The following SERPINI1 variants were observed in gnomAD, a reference collection of about 807,000 sequenced individuals.
The protein encoded by SERPINI1 is neuroserpin.
Under a neutral mutation model 41.1 loss-of-function variants are expected in SERPINI1, and 19 were observed. The ratio of observed to expected loss-of-function variants is 0.46; its 90% CI spans 0.32 to 0.68. The LOEUF is 0.68. SERPINI1 is among the 30% of genes least tolerant of loss of function. The pLI is 0.03. For synonymous variants in SERPINI1, 138 were observed against 156.6 expected, an observed-to-expected ratio of 0.88 and a Z score of 0.89; for missense variants, 460 against 479.2, an observed-to-expected ratio of 0.96 and a Z score of 0.37.
chr3:167,768,332 A>G (rs1726631993), intron 1 of SERPINI1, among the ~76,000 whole-genome samples: 1 of 152,218 alleles, frequency 6.6e-6, no homozygotes, highest in Non-Finnish European at 1.5e-5. Context: ...TTTTAGACAT[A>G]ATGCTATTGC....
chr3:167,764,820 G>A (rs139343510), intron 1 of SERPINI1, among the ~76,000 whole-genome samples: 17 of 152,234 alleles, frequency 1.1e-4, no homozygotes, highest in Middle Eastern at 3.4e-3. Flanking sequence ...AAATACAGCC[G>A]TTGCAAATGG....
At chr3:167,820,657 G>A (rs1712287911) in intron 6 of SERPINI1, among the ~76,000 whole-genome samples, 1 of 152,222 alleles carries the variant, frequency 6.6e-6, no homozygotes, top group Non-Finnish European at 1.5e-5. Flanking sequence ...GCTAAAGGCA[G>A]CTCAGTGCAG....
intron 5 of SERPINI1, among the ~76,000 whole-genome samples, chr3:167,795,748 C>G (rs747158147): frequency 6.6e-6 from 1 of 152,016 alleles, no homozygotes; most frequent in African/African-American, 2.4e-5. Flanking sequence ...TAGGGTAGAG[C>G]CAGTTTTCCT....
chr3:167,757,010 G>A (rs1287856602), intron 1 of SERPINI1, among the ~76,000 whole-genome samples: 1 of 152,178 alleles, frequency 6.6e-6, no homozygotes, highest in African/African-American at 2.4e-5. Context: ...TAATAAAACA[G>A]CTACAAAGGA....
At chr3:167,742,818 T>TG (rs1725722572) in intron 1 of SERPINI1, among the ~76,000 whole-genome samples, 2 of 145,000 alleles carry the variant, frequency 1.4e-5, no homozygotes, top group South Asian at 4.5e-4. Context: ...TTGTGCCGTT[T>TG]TGTGTGTGTG....
intron 1 of SERPINI1, among the ~76,000 whole-genome samples, chr3:167,767,995 A>C (rs999101197): frequency 5.3e-5 from 8 of 152,238 alleles, no homozygotes; most frequent in African/African-American, 1.9e-4. Flanking sequence ...AACTCAGTTG[A>C]TAAAGCAATG....
chr3:167,740,874 G>A (rs897559948), intron 1 of SERPINI1, among the ~76,000 whole-genome samples: 23 of 152,116 alleles, frequency 1.5e-4, no homozygotes, highest in Non-Finnish European at 2.5e-4. Context: ...TCCCCTACAC[G>A]ATTTCCATTA....
At chr3:167,821,043 G>T (rs1444460608) in intron 6 of SERPINI1, among the ~76,000 whole-genome samples, 1 of 152,032 alleles carries the variant, frequency 6.6e-6, no homozygotes, top group African/African-American at 2.4e-5. Context: ...CACTCGTTGG[G>T]ACAACCCGCC....
intron 1 of SERPINI1, among the ~76,000 whole-genome samples, chr3:167,757,942 G>A (rs951400616): frequency 1.3e-5 from 2 of 152,084 alleles, no homozygotes; most frequent in African/African-American, 4.8e-5. Context: ...AAATATAAAT[G>A]TTCCTAAATG....
chr3:167,772,685 C>A (rs955531261), intron 1 of SERPINI1, among the ~76,000 whole-genome samples: 11 of 151,416 alleles, frequency 7.3e-5, no homozygotes, highest in African/African-American at 2.7e-4. Context: ...CAGTCTCTGA[C>A]ACATACCTTG....
Position 167,804,432 on chromosome 3 carries a change from A to G in SERPINI1, c.882-2812A>G, listed in dbSNP as rs189311506. 8.4e-3 allele frequency among the ~76,000 whole-genome samples: 1,284 copies of G among 152,356 alleles called. 9 individuals carry two copies. The highest frequency in any genetic ancestry group is 0.02 in the Middle Eastern group (6 of 294). ...ACCTATTGCCTTAAATTTTATATTTATAATCTGTATTAATTAGGAGGCAAC... is the reference window on the plus strand; with the variant it reads ...ACCTATTGCCTTAAATTTTATATTTGTAATCTGTATTAATTAGGAGGCAAC... On this transcript the variant is annotated intron_variant, in intron 5 of 8. Transcript: ENST00000446050.
chr3:167,736,413 G>A (rs1725438632), intron 1 of SERPINI1, among the ~76,000 whole-genome samples: 1 of 152,192 alleles, frequency 6.6e-6, no homozygotes, highest in Admixed American at 6.5e-5. Context: ...CAGCAATAAT[G>A]TAAAAATGAA....
intron 6 of SERPINI1, among the ~76,000 whole-genome samples, chr3:167,811,463 A>C (rs1711879089): frequency 6.6e-6 from 1 of 150,808 alleles, no homozygotes; most frequent in African/African-American, 2.4e-5. Context: ...ATGGCTAAAA[A>C]AAAAAAGAAA....
At chr3:167,803,211 G>T (rs1577427415) in intron 5 of SERPINI1, among the ~76,000 whole-genome samples, 1 of 151,534 alleles carries the variant, frequency 6.6e-6, no homozygotes, top group Admixed American at 6.6e-5. Flanking sequence ...CACCAGCATG[G>T]CACATGTATA....
intron 6 of SERPINI1, among the ~76,000 whole-genome samples, chr3:167,815,035 T>C (rs1321736491): frequency 6.6e-6 from 1 of 152,234 alleles, no homozygotes; most frequent in Non-Finnish European, 1.5e-5. Context: ...GTCTCCTTCA[T>C]ACCCCTTTGC....
intron 1 of SERPINI1, among the ~76,000 whole-genome samples, chr3:167,758,926 A>G (rs930566479): frequency 2.6e-5 from 4 of 152,210 alleles, no homozygotes; most frequent in Non-Finnish European, 4.4e-5. Flanking sequence ...TGTTTTAAAA[A>G]TAAATACAAA....
intron 5 of SERPINI1, among the ~76,000 whole-genome samples, chr3:167,806,534 A>G (rs1711651202): frequency 1.3e-5 from 2 of 152,166 alleles, no homozygotes; most frequent in African/African-American, 2.4e-5. Flanking sequence ...TTTAAGATAT[A>G]ATGTTTAACT....
In SERPINI1 at chr3:167,824,561, T is replaced by C; in HGVS notation, c.1155T>C (p.Thr385=). Residue 385 remains threonine (T), a splice_region_variant and synonymous_variant, in exon 8 of 9, where the codon ACT becomes ACC. Coordinates refer to ENST00000446050, the MANE Select transcript of SERPINI1 (RefSeq NM_001122752.2). The part of the protein sequence containing the change: ...PFFFLIRNRR[T]GTILFMGRVM... ...TCTTTCTTATCAGAAACAGGAGAAC[T>C]GGTAAGTTTATTATGAAAACAAAAT... 1 of 1,607,870 alleles carries C rather than the reference T, an allele frequency of 6.2e-7. No individual in the cohort carries two copies. Among genetic ancestry groups the C allele is most frequent in the Non-Finnish European group, 8.5e-7 (1 of 1,174,740 alleles).
intron 6 of SERPINI1, among the ~76,000 whole-genome samples, chr3:167,817,972 C>T (rs1303828563): frequency 6.6e-6 from 1 of 151,914 alleles, no homozygotes; most frequent in Non-Finnish European, 1.5e-5. Flanking sequence ...AAATTATTCG[C>T]ATAAAAAAGA....
Sources: allele counts gnomAD v4.1 joint callset (sites outside exome capture counted in the v4.1 genomes callset), GRCh38; gene constraint gnomAD v4.1.1; transcripts MANE v1.5; gene names NCBI Gene and HGNC (gene_info 2026-07-23, HGNC 2026-07-21).